The following DLGAP2 variants were observed in gnomAD, a reference collection of about 807,000 sequenced individuals.
The protein encoded by DLGAP2 is DLG associated protein 2.
DLGAP2 carries 26 observed loss-of-function variants against 100.3 expected under a neutral mutation model. That is an observed-to-expected ratio of 0.26 (90% CI 0.19 to 0.36). DLGAP2 has a LOEUF of 0.36. Among genes scored for constraint, DLGAP2 ranks in the 10% least tolerant of loss-of-function variants. The pLI is 1.00. For missense variants in DLGAP2, 1,858 were observed against 1,453.2 expected (o/e 1.28, Z -4.53); for synonymous variants, 886 against 630.1 (o/e 1.41, Z -6.08).
intron 2 of DLGAP2, among the ~76,000 whole-genome samples, chr8:1,156,629 C>CAGCGCCCCGGCT (rs1563220035): frequency 4.6e-5 from 1 of 21,702 alleles, no homozygotes; most frequent in Non-Finnish European, 1.9e-4. Context: ...GCGCCCCAGC[C>CAGCGCCCCGGCT]CAGCGCCCCG....
At chr8:1,067,162 G>A (rs1463039773) in intron 2 of DLGAP2, among the ~76,000 whole-genome samples, 2 of 152,182 alleles carry the variant, frequency 1.3e-5, no homozygotes, top group Non-Finnish European at 1.5e-5. Flanking sequence ...CCAGGGCTGT[G>A]GCCACGTTGT....
chr8:1,651,199 A>G (rs1798154794), intron 8 of DLGAP2, among the ~76,000 whole-genome samples: 1 of 152,242 alleles, frequency 6.6e-6, no homozygotes, highest in Non-Finnish European at 1.5e-5. Flanking sequence ...GCCTCACAGC[A>G]GAAGGGCCAG....
At chr8:1,048,408 C>G (rs556776027) in intron 2 of DLGAP2, among the ~76,000 whole-genome samples, 1 of 152,028 alleles carries the variant, frequency 6.6e-6, no homozygotes. Flanking sequence ...TCAGTAAGTG[C>G]TGATTCTAAA....
chr8:1,221,505 C>G (rs577414797), intron 2 of DLGAP2, among the ~76,000 whole-genome samples: 31 of 152,002 alleles, frequency 2.0e-4, no homozygotes, highest in Non-Finnish European at 3.4e-4. Context: ...ACATGACCTG[C>G]CTCCTCTCTA....
At chr8:1,236,949 C>G (rs1352319505) in intron 2 of DLGAP2, among the ~76,000 whole-genome samples, 1 of 139,358 alleles carries the variant, frequency 7.2e-6, no homozygotes, top group Non-Finnish European at 1.6e-5. Flanking sequence ...CACATGGCGC[C>G]GTGTCTAGTT....
rs146371466 is a variant in DLGAP2 at position 1,069,107 on chromosome 8, C to T, written c.73+161141C>T. On this transcript the variant is annotated intron_variant, in intron 2 of 14. Transcript: ENST00000637795. ...CTAGACACACATTTATTGCAGCTGA[C>T]GCGGCAGCAGCATTCTTTGTTGCTG... 4.9e-4 allele frequency among the ~76,000 whole-genome samples: 74 copies of T among 152,306 alleles called. 2 individuals are homozygous for T. The highest frequency in any genetic ancestry group is 3.4e-3 in the Middle Eastern group (1 of 294).
At chr8:1,484,266 C>T (rs1799182550) in intron 3 of DLGAP2, among the ~76,000 whole-genome samples, 1 of 152,260 alleles carries the variant, frequency 6.6e-6, no homozygotes, top group African/African-American at 2.4e-5. Flanking sequence ...TGTCAGCAGT[C>T]AGACCCGTAT....
At chr8:868,798 G>A (rs901035116) in intron 1 of DLGAP2, among the ~76,000 whole-genome samples, 12 of 152,284 alleles carry the variant, frequency 7.9e-5, no homozygotes, top group East Asian at 5.8e-4. Context: ...TGAGGCCACC[G>A]CACCTCCGGG....
intron 3 of DLGAP2, among the ~76,000 whole-genome samples, chr8:1,437,652 T>C (rs1797685265): frequency 6.6e-6 from 1 of 151,892 alleles, no homozygotes; most frequent in East Asian, 1.9e-4. Context: ...TTTTTTTCTG[T>C]AAATATGCAT....
intron 6 of DLGAP2, among the ~76,000 whole-genome samples, chr8:1,588,738 TAAAAAAAAAAAAA>T (rs11358700): frequency 2.2e-5 from 2 of 91,474 alleles, no homozygotes; most frequent in Admixed American, 2.9e-4. Context: ...CTGTCTTTAC[TAAAAAAAAAAAAA>T]AAAAAAAAAA....
intron 2 of DLGAP2, among the ~76,000 whole-genome samples, chr8:1,133,095 G>A (rs117152333): frequency 0.034 from 5,126 of 152,268 alleles, 121 homozygotes; most frequent in Non-Finnish European, 0.049. Context: ...GTTTCCAGGC[G>A]TTCCTTTAGT....
At chr8:1,095,420 C>T (rs964927482) in intron 2 of DLGAP2, among the ~76,000 whole-genome samples, 13 of 152,278 alleles carry the variant, frequency 8.5e-5, no homozygotes, top group African/African-American at 2.4e-4. Context: ...TGTTGGGATC[C>T]TCCATCAGGG....
chr8:1,255,382 G>A (rs1274398661), intron 2 of DLGAP2, among the ~76,000 whole-genome samples: 1 of 130,568 alleles, frequency 7.7e-6, no homozygotes, highest in East Asian at 2.5e-4. Flanking sequence ...ATCCTGCCCG[G>A]GTGCTGTGTG....
intron 7 of DLGAP2, among the ~76,000 whole-genome samples, chr8:1,631,448 C>G (rs7837154): frequency 0.65 from 98,611 of 151,984 alleles, 32,521 homozygotes; most frequent in African/African-American, 0.78. Context: ...TGAAAACTTA[C>G]ATTGGAAGAA....
intron 1 of DLGAP2, among the ~76,000 whole-genome samples, chr8:868,686 G>T (rs1223957865): frequency 1.4e-4 from 21 of 152,234 alleles, no homozygotes; most frequent in Admixed American, 1.4e-3. Flanking sequence ...GAAGGTGCTG[G>T]TGTGGGCTTT....
intron 3 of DLGAP2, among the ~76,000 whole-genome samples, chr8:1,298,508 G>A (rs528111569): frequency 2.7e-4 from 41 of 152,244 alleles, no homozygotes; most frequent in Admixed American, 1.0e-3. Context: ...CTCTGGCCCC[G>A]GAGAGTGCTG....
At chr8:840,033 G>A (rs1459674194) in intron 1 of DLGAP2, among the ~76,000 whole-genome samples, 5 of 116,966 alleles carry the variant, frequency 4.3e-5, no homozygotes, top group African/African-American at 1.0e-4. Context: ...CTGCGAGCGC[G>A]TCCACACGGT....
intron 2 of DLGAP2, among the ~76,000 whole-genome samples, chr8:1,251,093 GA>G (rs1259451078): frequency 1.3e-5 from 2 of 152,156 alleles, no homozygotes; most frequent in African/African-American, 4.8e-5. Context: ...CCATGTTCAC[GA>G]GAACGTTACT....
At chr8:1,419,745 C>T (rs2129928825) in intron 3 of DLGAP2, among the ~76,000 whole-genome samples, 1 of 152,246 alleles carries the variant, frequency 6.6e-6, no homozygotes, top group African/African-American at 2.4e-5. Flanking sequence ...GAAGGGAATT[C>T]TTATAATGTT....
Sources: allele counts gnomAD v4.1 joint callset (sites outside exome capture counted in the v4.1 genomes callset), GRCh38; gene constraint gnomAD v4.1.1; transcripts MANE v1.5; gene names NCBI Gene and HGNC (gene_info 2026-07-23, HGNC 2026-07-21).